Variants in EXOC4 observed in about 807,000 individuals in gnomAD.
The protein encoded by EXOC4 is exocyst complex component 4.
Under a neutral mutation model 107.2 loss-of-function variants are expected in EXOC4, and 71 were observed. The ratio of observed to expected loss-of-function variants is 0.66; its 90% CI spans 0.55 to 0.81. The LOEUF is 0.81. Among genes scored for constraint, EXOC4 ranks in the 30% least tolerant of loss-of-function variants. The pLI is 0.00. For synonymous variants in EXOC4, 456 were observed against 441.2 expected, an observed-to-expected ratio of 1.03 and a Z score of -0.42; for missense variants, 1,108 against 1,189.6, an observed-to-expected ratio of 0.93 and a Z score of 1.01.
intron 9 of EXOC4, among the ~76,000 whole-genome samples, chr7:133,539,078 C>G (rs972269430): frequency 1.3e-4 from 19 of 151,820 alleles, no homozygotes; most frequent in Admixed American, 1.2e-3. Flanking sequence ...ACCCAGGTGT[C>G]TTGTACCTGT....
chr7:133,784,587 TAA>T (rs1179270517), intron 10 of EXOC4, among the ~76,000 whole-genome samples: 1 of 152,220 alleles, frequency 6.6e-6, no homozygotes, highest in Admixed American at 6.5e-5. Flanking sequence ...TTCAGATTTC[TAA>T]AGAGTCTGTA....
At chr7:133,700,708 T>C (rs1682870572) in intron 10 of EXOC4, among the ~76,000 whole-genome samples, 2 of 152,170 alleles carry the variant, frequency 1.3e-5, no homozygotes, top group South Asian at 4.1e-4. Flanking sequence ...ATGTTTTTAT[T>C]AGCTGAAGGA....
intron 6 of EXOC4, among the ~76,000 whole-genome samples, chr7:133,365,194 A>G (rs1796225881): frequency 6.6e-6 from 1 of 152,312 alleles, no homozygotes; most frequent in East Asian, 1.9e-4. Flanking sequence ...TAGGAACAAT[A>G]TAGTACTAAG....
At chr7:133,488,925 G>A (rs981419026) in intron 9 of EXOC4, among the ~76,000 whole-genome samples, 3 of 149,254 alleles carry the variant, frequency 2.0e-5, no homozygotes, top group African/African-American at 7.3e-5. Context: ...CATTTATAAT[G>A]TAATATATAT....
At chr7:133,562,889 C>A (rs1022011586) in intron 9 of EXOC4, among the ~76,000 whole-genome samples, 4 of 152,218 alleles carry the variant, frequency 2.6e-5, no homozygotes, top group African/African-American at 9.6e-5. Context: ...CTGCTGTGGC[C>A]AAACTGAATA....
intron 10 of EXOC4, among the ~76,000 whole-genome samples, chr7:133,632,880 A>G (rs1802623187): frequency 6.6e-6 from 1 of 152,196 alleles, no homozygotes; most frequent in African/African-American, 2.4e-5. Context: ...AGTGAGTATG[A>G]GTTAGCATTC....
chr7:133,306,785 G>T (rs2150569024), intron 4 of EXOC4, among the ~76,000 whole-genome samples: 1 of 152,258 alleles, frequency 6.6e-6, no homozygotes, highest in East Asian at 1.9e-4. Context: ...TTCAGCTTTA[G>T]GTTGTCCTTT....
intron 9 of EXOC4, among the ~76,000 whole-genome samples, chr7:133,620,929 A>G (rs1232252099): frequency 1.3e-5 from 2 of 152,236 alleles, no homozygotes; most frequent in East Asian, 1.9e-4. Flanking sequence ...GTGGTTGTCA[A>G]TTAAAACTCC....
chr7:133,642,722 C>T (rs543193208), intron 10 of EXOC4, among the ~76,000 whole-genome samples: 1 of 152,276 alleles, frequency 6.6e-6, no homozygotes, highest in African/African-American at 2.4e-5. Context: ...TATCCTCAGC[C>T]CTTGAAGTGG....
At chr7:133,330,246 C>G (rs990398978) in intron 5 of EXOC4, among the ~76,000 whole-genome samples, 1 of 152,118 alleles carries the variant, frequency 6.6e-6, no homozygotes, top group East Asian at 1.9e-4. Context: ...CTATTCAAGC[C>G]TCAGCAATGG....
At chr7:133,455,514 C>T (rs1347429312) in intron 7 of EXOC4, among the ~76,000 whole-genome samples, 1 of 152,118 alleles carries the variant, frequency 6.6e-6, no homozygotes, top group Non-Finnish European at 1.5e-5. Flanking sequence ...GTTAAAATGT[C>T]ATGGTTGATA....
chr7:133,276,620 G>A (rs1201220080), intron 2 of EXOC4, among the ~76,000 whole-genome samples: 1 of 152,000 alleles, frequency 6.6e-6, no homozygotes, highest in African/African-American at 2.4e-5. Flanking sequence ...CTTTGGTTTT[G>A]GGGTGAGAGG....
chr7:133,701,196 T>G (rs1197367796), intron 10 of EXOC4, among the ~76,000 whole-genome samples: 1 of 152,202 alleles, frequency 6.6e-6, no homozygotes, highest in Non-Finnish European at 1.5e-5. Context: ...GTCCTAGACT[T>G]GAGAAATTTT....
At chr7:133,538,110 C>T (rs1475087978) in intron 9 of EXOC4, among the ~76,000 whole-genome samples, 2 of 152,156 alleles carry the variant, frequency 1.3e-5, no homozygotes, top group Non-Finnish European at 2.9e-5. Context: ...GACCCTATAA[C>T]AGGCAAGCAG....
At chr7:133,606,387 A>C (rs184934343) in intron 9 of EXOC4, among the ~76,000 whole-genome samples, 26 of 152,044 alleles carry the variant, frequency 1.7e-4, no homozygotes, top group African/African-American at 6.3e-4. Flanking sequence ...CATCATTGCA[A>C]ATCCCTTATA....
intron 6 of EXOC4, among the ~76,000 whole-genome samples, chr7:133,358,435 T>C (rs978983048): frequency 4.6e-5 from 7 of 152,176 alleles, no homozygotes; most frequent in African/African-American, 1.7e-4. Flanking sequence ...TGTATATGAA[T>C]ATATGTTTAT....
In EXOC4 at chr7:133,843,115, G is replaced by A. The variant is rs146854322; in HGVS notation, c.1734+25571G>A. On this transcript the variant is annotated intron_variant, in intron 11 of 17. Coordinates refer to ENST00000253861, the MANE Select transcript of EXOC4 (RefSeq NM_021807.4). ...TGGGTATTGTGATGCCTCCAGCTTC[G>A]TTCTTTTTGCTTAGGATTGCCTTGA... Among the ~76,000 whole-genome samples the A allele has an allele frequency of 8.4e-3, 1,280 of 152,186 alleles. 17 individuals are homozygous for A. The highest frequency in any genetic ancestry group is 0.03 in the African/African-American group (1,225 of 41,522).
intron 17 of EXOC4, among the ~76,000 whole-genome samples, chr7:134,010,557 T>G (rs1794739907): frequency 6.6e-6 from 1 of 152,188 alleles, no homozygotes; most frequent in East Asian, 1.9e-4. Context: ...CTACCATATT[T>G]GAAGCTATGT....
chr7:133,875,728 G>C lies in EXOC4; in HGVS notation c.1735-19871G>C, dbSNP rs1467331146. ...TCCTGTACCACACACTACCTTCACA[G>C]CTTCCTGTAAACCTAGCTTTGGCCT... On this transcript the variant is annotated intron_variant, in intron 11 of 17. Transcript: ENST00000253861. Among the ~76,000 whole-genome samples the C allele has an allele frequency of 4.6e-5, 7 of 152,136 alleles. No individual in the cohort carries two copies. In the East Asian group the frequency reaches 1.4e-3, roughly 29 times the overall value.
Sources: allele counts gnomAD v4.1 joint callset (sites outside exome capture counted in the v4.1 genomes callset), GRCh38; gene constraint gnomAD v4.1.1; transcripts MANE v1.5; gene names NCBI Gene and HGNC (gene_info 2026-07-23, HGNC 2026-07-21).